MYO10: variants seen among roughly 807,000 people sequenced by gnomAD.
MYO10 encodes the protein myosin X, also known as unconventional myosin-X.
Under a neutral mutation model 257.3 loss-of-function variants are expected in MYO10, and 133 were observed. The observed-to-expected ratio is 0.52, with a 90% confidence interval of 0.45 to 0.60. MYO10 has a LOEUF of 0.60. Ranked by LOEUF, MYO10 falls within the 20% of genes least tolerant of loss-of-function variation. MYO10 has a pLI of 0.00. For missense variants in MYO10, 2,399 were observed against 2,635.7 expected (o/e 0.91, Z 1.97); for synonymous variants, 1,104 against 1,028.6 (o/e 1.07, Z -1.40).
intron 2 of MYO10, among the ~76,000 whole-genome samples, chr5:16,853,098 C>T (rs1481684790): frequency 2.6e-5 from 4 of 152,120 alleles, no homozygotes; most frequent in Non-Finnish European, 5.9e-5. Context: ...TGGCCGGGCG[C>T]GGCGGCTCAC....
chr5:16,835,458 G>A (rs9312934), intron 2 of MYO10, among the ~76,000 whole-genome samples: 13,695 of 147,334 alleles, frequency 0.093, 1,299 homozygotes, highest in African/African-American at 0.24. Context: ...TGAGGTTCCA[G>A]TGAGCCGAGA....
Position 16,756,814 on chromosome 5 carries a change from C to T in MYO10, c.1848+1304G>A, listed in dbSNP as rs192460083. 1.0e-3 allele frequency among the ~76,000 whole-genome samples: 159 copies of T among 152,198 alleles called. 3 individuals carry two copies. The highest frequency in any genetic ancestry group is 3.7e-3 in the African/African-American group (153 of 41,552). On this transcript the variant is annotated intron_variant, in intron 18 of 40. Transcript: ENST00000513610. ...TTTAAAGTCTCAAACATTTCAAAAACCCAAGGGTGGGTGCAGTGGCTCACG... is the reference window on the plus strand; with the variant it reads ...TTTAAAGTCTCAAACATTTCAAAAATCCAAGGGTGGGTGCAGTGGCTCACG...
intron 1 of MYO10, among the ~76,000 whole-genome samples, chr5:16,926,495 A>T (rs1271131968): frequency 2.0e-5 from 3 of 152,176 alleles, no homozygotes; most frequent in Non-Finnish European, 2.9e-5. Context: ...TGAGGTCACA[A>T]GCTTCAGATC....
At chr5:16,780,319 A>AT (rs1397730752) in intron 8 of MYO10, among the ~76,000 whole-genome samples, 1 of 76,722 alleles carries the variant, frequency 1.3e-5, no homozygotes, top group African/African-American at 3.3e-5. Context: ...TCAAAAAAAA[A>AT]AATCTAAGGT....
chr5:16,738,752 G>T (rs569220834), intron 19 of MYO10, among the ~76,000 whole-genome samples: 1 of 151,872 alleles, frequency 6.6e-6, no homozygotes, highest in Non-Finnish European at 1.5e-5. Flanking sequence ...TTAGCTGGGC[G>T]TGGTGGTGCA....
At chr5:16,742,396 T>G (rs1740047740) in intron 19 of MYO10, among the ~76,000 whole-genome samples, 2 of 152,182 alleles carry the variant, frequency 1.3e-5, no homozygotes, top group African/African-American at 4.8e-5. Context: ...TTACTAAAAT[T>G]TCCTCCAAAG....
At chr5:16,716,487 T>C (rs1196910448) in intron 19 of MYO10, among the ~76,000 whole-genome samples, 1 of 87,596 alleles carries the variant, frequency 1.1e-5, no homozygotes. Context: ...CATAATTTCA[T>C]GAACAGTGCA....
intron 19 of MYO10, among the ~76,000 whole-genome samples, chr5:16,716,390 A>G (rs1362707909): frequency 6.6e-6 from 1 of 151,914 alleles, no homozygotes; most frequent in Non-Finnish European, 1.5e-5. Flanking sequence ...GGACACCAAG[A>G]GCAGGGAGGG....
intron 2 of MYO10, among the ~76,000 whole-genome samples, chr5:16,844,507 A>T (rs1743572933): frequency 1.3e-5 from 2 of 152,120 alleles, no homozygotes; most frequent in African/African-American, 4.8e-5. Flanking sequence ...AAGCAAGAAA[A>T]CTTACTCAAT....
intron 28 of MYO10, among the ~76,000 whole-genome samples, chr5:16,687,411 C>T (rs1225015496): frequency 6.6e-6 from 1 of 151,104 alleles, no homozygotes; most frequent in East Asian, 2.0e-4. Flanking sequence ...TATGAACAGA[C>T]ATGCATCCAT....
At chr5:16,712,994 A>G (rs955482143) in intron 19 of MYO10, among the ~76,000 whole-genome samples, 1 of 152,208 alleles carries the variant, frequency 6.6e-6, no homozygotes, top group Non-Finnish European at 1.5e-5. Context: ...TTTGGTTACA[A>G]TGCTTCTGTG....
Position 16,897,302 on chromosome 5 carries a change from T to TAA in MYO10, c.22-19597_22-19596dup, listed in dbSNP as rs3060810. ...AATATCGCCTGAAATTTACACTTCG[T>TAA]AAAAAAAAAAAAAAAAAGTCCTTTA... is the stretch of plus-strand genomic sequence containing the variant. On this transcript the variant is annotated intron_variant, in intron 1 of 40. Coordinates refer to ENST00000513610, the MANE Select transcript of MYO10 (RefSeq NM_012334.3). Among the ~76,000 whole-genome samples the TAA allele has an allele frequency of 1.2e-4, 15 of 129,094 alleles. 1 individual carries two copies. The highest frequency in any genetic ancestry group is 1.4e-4 in the African/African-American group (5 of 34,502). 84.7% of individuals were successfully genotyped at this position (129,094 alleles called of 152,430 possible).
intron 1 of MYO10, among the ~76,000 whole-genome samples, chr5:16,885,128 A>C (rs965619658): frequency 6.6e-6 from 1 of 152,016 alleles, no homozygotes; most frequent in African/African-American, 2.4e-5. Context: ...GGAAAAGAGG[A>C]GCAGAGGCCG....
At chr5:16,703,371 G>A (rs1249706373) in intron 22 of MYO10, among the ~76,000 whole-genome samples, 1 of 152,156 alleles carries the variant, frequency 6.6e-6, no homozygotes, top group Non-Finnish European at 1.5e-5. Flanking sequence ...AAAGTAAGAA[G>A]CCTATCACTA....
At chr5:16,752,580 C>T (rs1407135760) in intron 19 of MYO10, among the ~76,000 whole-genome samples, 1 of 152,228 alleles carries the variant, frequency 6.6e-6, no homozygotes, top group East Asian at 1.9e-4. Flanking sequence ...GCCACCACGC[C>T]TAGCCAAACA....
intron 1 of MYO10, among the ~76,000 whole-genome samples, chr5:16,930,952 T>G (rs1473840357): frequency 6.6e-6 from 1 of 152,132 alleles, no homozygotes; most frequent in Non-Finnish European, 1.5e-5. Context: ...TTACTCTAAG[T>G]CCAAACTGTT....
At chr5:16,933,551 A>G (rs2126810456) in intron 1 of MYO10, among the ~76,000 whole-genome samples, 1 of 152,312 alleles carries the variant, frequency 6.6e-6, no homozygotes, top group African/African-American at 2.4e-5. Context: ...CAAAGACAGA[A>G]TTCTACTTAG....
intron 33 of MYO10, 116 bp downstream of exon 33, chr5:16,679,831 C>A (rs1736904331): frequency 1.5e-6 from 2 of 1,364,772 alleles, no homozygotes; most frequent in Admixed American, 4.9e-5. Flanking sequence ...GCCAACCAAG[C>A]ACTAGTTTTG....
chr5:16,870,934 T>C (rs147448892), intron 2 of MYO10, among the ~76,000 whole-genome samples: 24 of 152,292 alleles, frequency 1.6e-4, no homozygotes, highest in African/African-American at 5.3e-4. Flanking sequence ...TTTAAAGATA[T>C]AGACAAATTG....
Sources: allele counts gnomAD v4.1 joint callset (sites outside exome capture counted in the v4.1 genomes callset), GRCh38; gene constraint gnomAD v4.1.1; transcripts MANE v1.5; gene names NCBI Gene and HGNC (gene_info 2026-07-23, HGNC 2026-07-21).